PCDHGA3: variants seen among roughly 807,000 people sequenced by gnomAD.
PCDHGA3 encodes protocadherin gamma subfamily A, 3, also known as protocadherin gamma-A3.
PCDHGA3 carries 40 observed loss-of-function variants against 58.5 expected under a neutral mutation model. The observed-to-expected ratio is 0.68, with a 90% CI of 0.53 to 0.89. The LOEUF is 0.89. PCDHGA3 is among the 40% of genes least tolerant of loss of function. The pLI, the probability that PCDHGA3 is intolerant of heterozygous loss-of-function variation, is 0.00. For missense variants in PCDHGA3, 1,223 were observed against 1,195.9 expected (o/e 1.02, Z -0.33); for synonymous variants, 530 against 525.7 (o/e 1.01, Z -0.11).
intron 1 of PCDHGA3, among the ~76,000 whole-genome samples, chr5:141,400,820 G>A (rs1419111099): frequency 6.6e-6 from 1 of 152,082 alleles, no homozygotes; most frequent in African/African-American, 2.4e-5. Context: ...TTACCTATTC[G>A]TTGTCTCATT....
At chr5:141,405,093 T>C in intron 1 of PCDHGA3, 1 of 1,613,946 alleles carries the variant, frequency 6.2e-7, no homozygotes, top group Non-Finnish European at 8.5e-7. Flanking sequence ...CTGCTGGCCC[T>C]CAGGCTGAGG....
rs770678698 is a variant in PCDHGA3 at position 141,384,022 on chromosome 5, G to A, written c.2424+37565G>A. On this transcript the variant is annotated intron_variant, in intron 1 of 3. Transcript: ENST00000253812. ...TGCTCTTTTCTACCTACAAGACAGA[G>A]ATTCTGGAAAGAATGGTGAGGTGAC... 3 of 1,613,562 alleles carry A rather than the reference G, an allele frequency of 1.9e-6. No individual in the cohort carries two copies. The highest frequency in any genetic ancestry group is 2.5e-6 in the Non-Finnish European group (3 of 1,179,762).
chr5:141,478,767 C>T (rs953695562), intron 1 of PCDHGA3: 44 of 1,500,650 alleles, frequency 2.9e-5, no homozygotes, highest in Non-Finnish European at 3.9e-5. Context: ...ATACTTGACT[C>T]ATCTGTGGAC....
At chr5:141,436,211 C>T (rs12108692) in intron 1 of PCDHGA3, among the ~76,000 whole-genome samples, 2,997 of 152,100 alleles carry the variant, frequency 0.02, 43 homozygotes, top group African/African-American at 0.029. Flanking sequence ...AATAGGAAAA[C>T]AAATGACTTG....
At position 141,476,902 on chromosome 5, in the gene PCDHGA3, C is replaced by T. The variant is rs1399250599; in HGVS notation, c.2425-17905C>T. ...TGGAGGATGCACCCTCCGGCACGCG[C>T]GTGGTACAAGTCCTTGCAACGGATC... On this transcript the variant is annotated intron_variant, in intron 1 of 3. Transcript: ENST00000253812. This position sits in a 1 kb window ranked among gnomAD's most constrained non-coding sequence, Gnocchi z 7.6. 2 of 1,613,998 alleles carry T rather than the reference C, an allele frequency of 1.2e-6. No individual in the cohort carries two copies. The highest frequency in any genetic ancestry group is 1.7e-6 in the Non-Finnish European group (2 of 1,180,034).
chr5:141,417,954 C>G, intron 1 of PCDHGA3: 2 of 1,613,600 alleles, frequency 1.2e-6, no homozygotes, highest in South Asian at 1.1e-5. Flanking sequence ...CTGTGTGAGC[C>G]GATCCGCTAC....
At chr5:141,374,945 A>T (rs779694385) in intron 1 of PCDHGA3, 1 of 1,614,034 alleles carries the variant, frequency 6.2e-7, no homozygotes, top group Non-Finnish European at 8.5e-7. Context: ...TACAGAAAAG[A>T]TCTCACAAAT....
chr5:141,434,747 C>T (rs2097714000), intron 1 of PCDHGA3, among the ~76,000 whole-genome samples: 1 of 151,606 alleles, frequency 6.6e-6, no homozygotes, highest in South Asian at 2.1e-4. Flanking sequence ...GCTATGAGAC[C>T]CCTGATTCCC....
intron 1 of PCDHGA3, chr5:141,382,984 G>A: frequency 6.2e-7 from 1 of 1,613,132 alleles, no homozygotes; most frequent in Non-Finnish European, 8.5e-7. Context: ...AGCCTGGGCA[G>A]GACGTATTCT....
chr5:141,390,408 T>C, intron 1 of PCDHGA3: 1 of 1,254,846 alleles, frequency 8.0e-7, no homozygotes, highest in Non-Finnish European at 1.1e-6. Context: ...AGGAAAGTTG[T>C]AGTCAGTTAA....
rs539719239 is a variant in PCDHGA3, at chr5:141,431,888, G to A, written c.2425-62919G>A. The A allele has an allele frequency of 6.2e-7, 1 of 1,614,200 alleles. No homozygotes were observed. The highest frequency in any genetic ancestry group is 1.7e-5 in the Admixed American group (1 of 60,036). On this transcript the variant is annotated intron_variant, in intron 1 of 3. Coordinates refer to ENST00000253812, the MANE Select transcript of PCDHGA3 (RefSeq NM_018916.4). The surrounding 1 kb of genome is among the most constrained non-coding windows in gnomAD (Gnocchi z 4.8). ...TTTAAATGTAAATGACCAAGATTCT[G>A]AGGAAAACGGACAGGTGATCTGTTT... is the stretch of plus-strand genomic sequence containing the variant.
In PCDHGA3 at chr5:141,487,456, G is replaced by A. The variant is rs1041154635; in HGVS notation, c.2425-7351G>A. Reference sequence around the variant, plus strand: ...AGCTAGGGTCAGATGACCCTATCAAGTTTGTTGATGTGGGAGGCCACTCTC... The same window carrying A: ...AGCTAGGGTCAGATGACCCTATCAAATTTGTTGATGTGGGAGGCCACTCTC... On this transcript the variant is annotated intron_variant, in intron 1 of 3. Coordinates refer to ENST00000253812, the MANE Select transcript of PCDHGA3 (RefSeq NM_018916.4). The surrounding 1 kb of genome is among the most constrained non-coding windows in gnomAD (Gnocchi z 5.0). 6.2e-7 allele frequency: 1 copy of A among 1,614,196 alleles called. No individual in the cohort carries two copies. The highest frequency in any genetic ancestry group is 8.5e-7 in the Non-Finnish European group (1 of 1,180,026).
Position 141,393,873 on chromosome 5 carries a change from A to G in PCDHGA3, c.2424+47416A>G, listed in dbSNP as rs759255236. The G allele has an allele frequency of 1.9e-6, 3 of 1,613,916 alleles. No individual in the cohort carries two copies. In the Admixed American group the frequency reaches 5.0e-5, roughly 27 times the overall value. On this transcript the variant is annotated intron_variant, in intron 1 of 3. Coordinates refer to ENST00000253812, the MANE Select transcript of PCDHGA3 (RefSeq NM_018916.4). ...AGAAGTGATCATTACGTCTTTGTTT[A>G]GCCCAGTGTTAGAAAATTCTCTTCC...
intron 1 of PCDHGA3, chr5:141,356,869 GA>G: frequency 6.2e-7 from 1 of 1,614,182 alleles, no homozygotes; most frequent in Non-Finnish European, 8.5e-7. Context: ...GGACCAGAAC[GA>G]CAATGTCCCT....
intron 1 of PCDHGA3, chr5:141,400,209 G>A: frequency 6.2e-7 from 1 of 1,614,052 alleles, no homozygotes; most frequent in South Asian, 1.1e-5. Context: ...CCTTGGCCTT[G>A]ATCTCAGTGC....
rs550161736 is a variant in PCDHGA3, at chr5:141,427,826, G to T, written c.2425-66981G>T. ...GCGCACAGAGCGGGGTGGTGGTCGCGCAGCGTGCCTTCGACCACGAGCAGC... is the reference window on the plus strand; with the variant it reads ...GCGCACAGAGCGGGGTGGTGGTCGCTCAGCGTGCCTTCGACCACGAGCAGC... On this transcript the variant is annotated intron_variant, in intron 1 of 3. Coordinates refer to ENST00000253812, the MANE Select transcript of PCDHGA3 (RefSeq NM_018916.4). The T allele has an allele frequency of 2.6e-6, 4 of 1,536,502 alleles. No individual in the cohort carries two copies. The East Asian group carries it at 6.8e-5, about 26-fold the overall frequency.
intron 1 of PCDHGA3, chr5:141,409,804 C>T (rs766279863): frequency 6.2e-7 from 1 of 1,611,772 alleles, no homozygotes; most frequent in South Asian, 1.1e-5. Context: ...CGCTGCAGGC[C>T]CGCGACCACG....
At chr5:141,439,126 G>A (rs2098089550) in intron 1 of PCDHGA3, among the ~76,000 whole-genome samples, 1 of 151,328 alleles carries the variant, frequency 6.6e-6, no homozygotes, top group African/African-American at 2.4e-5. Flanking sequence ...CCGGGAGACA[G>A]AGGTTGCAGT....
In PCDHGA3 at chr5:141,346,458, G is replaced by A; in HGVS notation, c.2424+1G>A. ...GAAAGGAGATTCCAACCTACTTCAG[G>A]TGAGTTTATTTATTTCTTTGATTAT... is the stretch of plus-strand genomic sequence containing the variant. On this transcript the variant is annotated splice_donor_variant, in intron 1 of 3. Coordinates refer to ENST00000253812, the MANE Select transcript of PCDHGA3 (RefSeq NM_018916.4). LOFTEE classifies it high-confidence loss of function. 4 of 1,614,152 alleles carry A rather than the reference G, an allele frequency of 2.5e-6. No homozygotes were observed. The highest frequency in any genetic ancestry group is 1.6e-4 in the Middle Eastern group (1 of 6,062).
Sources: gnomAD v4.1 joint callset for allele counts (sites outside exome capture counted in the v4.1 genomes callset) on GRCh38, gnomAD v4.1.1 for gene constraint, Gnocchi (gnomAD v3.1) non-coding constraint, MANE v1.5 for transcripts, NCBI Gene and HGNC (gene_info 2026-07-23, HGNC 2026-07-21) for gene names.